The following RPTOR variants were observed in gnomAD, a reference collection of about 807,000 sequenced individuals.
The protein encoded by RPTOR is regulatory-associated protein of mTOR.
Under a neutral mutation model 169.9 loss-of-function variants are expected in RPTOR, and 21 were observed. The observed-to-expected ratio is 0.12, with a 90% CI of 0.09 to 0.18. The LOEUF (loss-of-function observed/expected upper bound fraction) is 0.18, where lower values mean the gene tolerates loss of function less well. Ranked by LOEUF, RPTOR falls within the 10% of genes least tolerant of loss-of-function variation. The pLI is 1.00. For missense variants in RPTOR, 1,133 were observed against 1,855.9 expected (o/e 0.61, Z 7.16); for synonymous variants, 732 against 753.2 (o/e 0.97, Z 0.46).
At chr17:80,882,165 G>T (rs1338075962) in intron 14 of RPTOR, among the ~76,000 whole-genome samples, 1 of 152,198 alleles carries the variant, frequency 6.6e-6, no homozygotes, top group East Asian at 1.9e-4. Flanking sequence ...TGAAAGCCGG[G>T]CTAAGAGCCG....
chr17:80,921,229 T>C (rs1321974916), intron 21 of RPTOR, among the ~76,000 whole-genome samples: 2 of 152,254 alleles, frequency 1.3e-5, no homozygotes, highest in Non-Finnish European at 2.9e-5. Context: ...AGGACAGGGT[T>C]CTGTCTGGCT....
intron 13 of RPTOR, among the ~76,000 whole-genome samples, chr17:80,871,331 G>T (rs199645629): frequency 6.6e-6 from 1 of 152,128 alleles, no homozygotes; most frequent in African/African-American, 2.4e-5. Flanking sequence ...GGATGGTCTC[G>T]ATCTCCTGAC....
chr17:80,561,117 C>T (rs1339164045), intron 1 of RPTOR, among the ~76,000 whole-genome samples: 1 of 151,908 alleles, frequency 6.6e-6, no homozygotes, highest in East Asian at 1.9e-4. Context: ...GTCACCCAGG[C>T]TGGAGTGCAG....
At chr17:80,709,358 A>G (rs1369826992) in intron 4 of RPTOR, among the ~76,000 whole-genome samples, 2 of 152,066 alleles carry the variant, frequency 1.3e-5, no homozygotes, top group East Asian at 3.9e-4. Flanking sequence ...GGCGCCTGGC[A>G]CAGTGAATTT....
chr17:80,960,149 T>C lies in RPTOR; in HGVS notation c.3549T>C (p.Ala1183=), dbSNP rs1371099251. ...ATTCCCACCGCTCACTCATCGTGGC[T>C]GGCCTCGGTGACGGCTCCATCCGCG... ...SCDSHRSLIV[A]GLGDGSIRVY... Residue 1183 remains alanine, a synonymous_variant, in exon 30 of 34, where the codon GCT becomes GCC. Coordinates refer to ENST00000306801, the MANE Select transcript of RPTOR (RefSeq NM_020761.3). This position sits in a 1 kb window ranked among gnomAD's most constrained non-coding sequence, Gnocchi z 4.8. The C allele has an allele frequency of 6.2e-7, 1 of 1,613,588 alleles. No homozygotes were observed. Among genetic ancestry groups the C allele is most frequent in the South Asian group, 1.1e-5 (1 of 91,082 alleles).
chr17:80,744,911 T>TAGCACAGCCCTGGTTACG, intron 5 of RPTOR, among the ~76,000 whole-genome samples: 1 of 144,614 alleles, frequency 6.9e-6, no homozygotes, highest in Non-Finnish European at 1.5e-5. Flanking sequence ...TCCTGGCTAC[T>TAGCACAGCCCTGGTTACG]AGCACAGCCC....
chr17:80,578,707 G>A (rs1291484815), intron 1 of RPTOR, among the ~76,000 whole-genome samples: 1 of 152,186 alleles, frequency 6.6e-6, no homozygotes, highest in East Asian at 1.9e-4. Context: ...CTAGGGCTGG[G>A]GGAACAAATA....
chr17:80,923,729 G>T, intron 23 of RPTOR, 56 bp downstream of exon 23: 2 of 1,474,038 alleles, frequency 1.4e-6, no homozygotes, highest in Non-Finnish European at 1.8e-6. Flanking sequence ...CTTCTCAGAT[G>T]GGGGCTCATG....
rs112278110 is a variant in RPTOR, at chr17:80,667,754, A to T, written c.348+23944A>T. On this transcript the variant is annotated intron_variant, in intron 3 of 33. Transcript: ENST00000306801. ...CCTTCATTTGCTTGATACTAACTGC[A>T]GTTTGGACTTAAGCCTGCAGAGGTG... 9.3e-3 allele frequency among the ~76,000 whole-genome samples: 1,420 copies of T among 152,362 alleles called. 57 individuals are homozygous for T. Among genetic ancestry groups the T allele is most frequent in the Admixed American group, 0.07 (1,066 of 15,308 alleles).
In RPTOR at chr17:80,633,062, T is replaced by C. The variant is rs2065454122; in HGVS notation, c.265+7269T>C. Among the ~76,000 whole-genome samples, 1 of 152,148 alleles carries C rather than the reference T, an allele frequency of 6.6e-6. No homozygotes were observed. Among genetic ancestry groups the C allele is most frequent in the Non-Finnish European group, 1.5e-5 (1 of 68,026 alleles). On this transcript the variant is annotated intron_variant, in intron 2 of 33. Transcript: ENST00000306801. This position sits in a 1 kb window ranked among gnomAD's most constrained non-coding sequence, Gnocchi z 4.1. ...ATCCTCCCACCTCGGCCTCTTAAAG[T>C]GTTGAAATGACCGGCATGAGCTACC...
At chr17:80,586,368 G>C (rs1252985443) in intron 1 of RPTOR, among the ~76,000 whole-genome samples, 1 of 152,162 alleles carries the variant, frequency 6.6e-6, no homozygotes, top group African/African-American at 2.4e-5. Flanking sequence ...TAACCACGTC[G>C]TGATCACAGG....
intron 5 of RPTOR, among the ~76,000 whole-genome samples, chr17:80,731,534 T>G (rs991931089): frequency 2.6e-5 from 4 of 152,220 alleles, no homozygotes; most frequent in African/African-American, 9.7e-5. Context: ...GACATTTTGC[T>G]TGGTTGTTTT....
intron 7 of RPTOR, among the ~76,000 whole-genome samples, chr17:80,818,118 T>C (rs1268163918): frequency 6.6e-6 from 1 of 151,946 alleles, no homozygotes; most frequent in Admixed American, 6.5e-5. Flanking sequence ...GTTGTTGGAG[T>C]GTCATCTGTT....
chr17:80,932,086 G>A (rs768140172), intron 24 of RPTOR, among the ~76,000 whole-genome samples: 13 of 151,590 alleles, frequency 8.6e-5, no homozygotes, highest in African/African-American at 1.2e-4. Flanking sequence ...TCAGTGCCTC[G>A]CTAGATTGAC....
At chr17:80,558,445 A>G (rs1296612749) in intron 1 of RPTOR, among the ~76,000 whole-genome samples, 2 of 152,232 alleles carry the variant, frequency 1.3e-5, no homozygotes, top group African/African-American at 4.8e-5. Flanking sequence ...AGCTGTCGGT[A>G]TATTTTTCAG....
rs564948312 is a variant in RPTOR, at chr17:80,852,897, A to G, written c.1315-2567A>G. ...TCCCCTCCCCCGATCCTCCACCCTC[A>G]CTGGCCTCCTCGTCCCTTTCCCCTG... On this transcript the variant is annotated intron_variant, in intron 11 of 33. Coordinates refer to ENST00000306801, the MANE Select transcript of RPTOR (RefSeq NM_020761.3). Among the ~76,000 whole-genome samples, 6 of 148,818 alleles carry G rather than the reference A, an allele frequency of 4.0e-5. No homozygotes were observed. The South Asian group carries it at 1.3e-3, about 32-fold the overall frequency.
At chr17:80,751,150 T>C (rs2066626314) in intron 5 of RPTOR, among the ~76,000 whole-genome samples, 3 of 152,182 alleles carry the variant, frequency 2.0e-5, no homozygotes, top group South Asian at 4.1e-4. Flanking sequence ...ATCACCGTGG[T>C]GCGAGGTGGC....
At chr17:80,953,915 G>T (rs191493052) in intron 28 of RPTOR, among the ~76,000 whole-genome samples, 4 of 152,234 alleles carry the variant, frequency 2.6e-5, no homozygotes, top group Admixed American at 6.5e-5. Flanking sequence ...CCACCACGGC[G>T]CTCGTGCTTC....
At chr17:80,719,265 C>T (rs1310070409) in intron 4 of RPTOR, among the ~76,000 whole-genome samples, 3 of 151,926 alleles carry the variant, frequency 2.0e-5, no homozygotes, top group Non-Finnish European at 2.9e-5. Flanking sequence ...TGGGGGAAGC[C>T]GGGAAGGGTA....
Sources: allele counts gnomAD v4.1 joint callset (sites outside exome capture counted in the v4.1 genomes callset), GRCh38; gene constraint gnomAD v4.1.1; non-coding constraint Gnocchi (gnomAD v3.1); transcripts MANE v1.5; gene names NCBI Gene and HGNC (gene_info 2026-07-23, HGNC 2026-07-21).